Variants in GALNT13 observed in about 807,000 individuals in gnomAD.
GALNT13 encodes UDP-GalNAc:polypeptide N-acetylgalactosaminyltransferase 13.
In GALNT13, 28 loss-of-function variants were observed where a neutral mutation model predicts 64.2. The ratio of observed to expected loss-of-function variants is 0.44; its 90% CI spans 0.32 to 0.60. The LOEUF (loss-of-function observed/expected upper bound fraction) is 0.60. GALNT13 is among the 20% of genes least tolerant of loss of function. The pLI, the probability that GALNT13 is intolerant of heterozygous loss-of-function variation, is 0.05. For synonymous variants in GALNT13, 214 were observed against 224.6 expected, an observed-to-expected ratio of 0.95 and a Z score of 0.42; for missense variants, 577 against 669.8, an observed-to-expected ratio of 0.86 and a Z score of 1.53.
At chr2:153,882,751 C>T (rs1253892586) in intron 1 of GALNT13, among the ~76,000 whole-genome samples, 1 of 151,678 alleles carries the variant, frequency 6.6e-6, no homozygotes, top group Non-Finnish European at 1.5e-5. Context: ...GCCTTAGCCT[C>T]CCAAGGAAGC....
chr2:153,390,897 T>A, the GALNT13 span, among the ~76,000 whole-genome samples: 2 of 151,952 alleles, frequency 1.3e-5, no homozygotes, highest in African/African-American at 4.8e-5. Context: ...AATAAGAAAA[T>A]TTTATAACAT....
At chr2:154,193,591 A>G (rs1244942720) in intron 4 of GALNT13, among the ~76,000 whole-genome samples, 2 of 152,236 alleles carry the variant, frequency 1.3e-5, no homozygotes, top group Non-Finnish European at 2.9e-5. Flanking sequence ...TTGTCCTGAC[A>G]GAGGCTGATG....
intron 9 of GALNT13, among the ~76,000 whole-genome samples, chr2:154,305,317 A>T (rs1017548364): frequency 2.6e-5 from 4 of 151,568 alleles, no homozygotes; most frequent in African/African-American, 9.7e-5. Flanking sequence ...TTCAGGAAGG[A>T]GGGGTGGGAG....
At position 153,896,004 on chromosome 2, in the gene GALNT13, T is replaced by A. The variant is rs1371951867; in HGVS notation, c.-176-4932T>A. ...AAGAGAATATAATCATAAAATAGTT[T>A]GTATGATATAATTATTTAAATAATA... On this transcript the variant is annotated intron_variant, in intron 1 of 12. Coordinates refer to ENST00000392825, the MANE Select transcript of GALNT13 (RefSeq NM_052917.4). Among the ~76,000 whole-genome samples the A allele has an allele frequency of 4.3e-5, 6 of 138,662 alleles. No homozygotes were observed. In the Admixed American group the frequency reaches 4.4e-4, roughly 10 times the overall value. 91.0% of individuals were successfully genotyped at this position (138,662 alleles called of 152,430 possible).
chr2:153,747,322 C>T, the GALNT13 span, among the ~76,000 whole-genome samples: 27 of 151,624 alleles, frequency 1.8e-4, no homozygotes, highest in Non-Finnish European at 3.5e-4. Flanking sequence ...ATTTTTTGTA[C>T]CCATTAACTT....
chr2:153,295,770 A>T, the GALNT13 span, among the ~76,000 whole-genome samples: 1 of 152,212 alleles, frequency 6.6e-6, no homozygotes, highest in Non-Finnish European at 1.5e-5. Context: ...AATTCCAGAC[A>T]TACTGGATCA....
chr2:154,125,009 C>A (rs996463909), intron 3 of GALNT13, among the ~76,000 whole-genome samples: 1 of 152,192 alleles, frequency 6.6e-6, no homozygotes. Context: ...TAGAATGTCA[C>A]TTAGTAACTG....
the GALNT13 span, among the ~76,000 whole-genome samples, chr2:153,630,762 CATATATATATATAT>C: frequency 2.2e-3 from 72 of 32,130 alleles, 1 homozygote; most frequent in Non-Finnish European, 2.5e-3. Context: ...TTTTAGGCTT[CATATATATATATAT>C]ATATATATAT....
chr2:154,360,865 CA>C (rs1293701580), intron 9 of GALNT13, among the ~76,000 whole-genome samples: 2 of 151,986 alleles, frequency 1.3e-5, no homozygotes, highest in South Asian at 2.1e-4. Context: ...GAGATTAATC[CA>C]GCCAAAAAGG....
chr2:153,594,545 T>C, the GALNT13 span, among the ~76,000 whole-genome samples: 2 of 152,224 alleles, frequency 1.3e-5, no homozygotes, highest in South Asian at 4.1e-4. Flanking sequence ...TGTAATCTTA[T>C]CTCTTCTAAT....
At chr2:153,769,608 A>T in the GALNT13 span, among the ~76,000 whole-genome samples, 2 of 152,258 alleles carry the variant, frequency 1.3e-5, no homozygotes, top group South Asian at 2.1e-4. Flanking sequence ...AGCTTCTTGT[A>T]TCTGAATATT....
At chr2:154,126,652 A>AT (rs953697972) in intron 3 of GALNT13, among the ~76,000 whole-genome samples, 5 of 151,780 alleles carry the variant, frequency 3.3e-5, no homozygotes, top group African/African-American at 1.2e-4. Context: ...CAAAAAAAAA[A>AT]AACAAAAAAA....
At chr2:153,613,643 A>G in the GALNT13 span, among the ~76,000 whole-genome samples, 1 of 152,168 alleles carries the variant, frequency 6.6e-6, no homozygotes, top group Non-Finnish European at 1.5e-5. Flanking sequence ...GAATCCTGAT[A>G]TAAGAAAAGT....
the GALNT13 span, among the ~76,000 whole-genome samples, chr2:153,422,916 T>G: frequency 1.7e-4 from 26 of 151,956 alleles, no homozygotes; most frequent in Non-Finnish European, 3.5e-4. Context: ...TTTAAATATA[T>G]TTACAAGATA....
the GALNT13 span, among the ~76,000 whole-genome samples, chr2:153,424,164 T>C: frequency 1.3e-5 from 2 of 150,690 alleles, no homozygotes; most frequent in East Asian, 2.0e-4. Context: ...TCTGGGTCAA[T>C]TGGCTAAACA....
the GALNT13 span, among the ~76,000 whole-genome samples, chr2:153,824,588 G>A: frequency 6.6e-6 from 1 of 152,116 alleles, no homozygotes; most frequent in African/African-American, 2.4e-5. Context: ...TTGAGATGAT[G>A]TGGGAGGCAA....
intron 4 of GALNT13, among the ~76,000 whole-genome samples, chr2:154,168,219 C>T (rs1307067702): frequency 2.0e-5 from 3 of 152,104 alleles, no homozygotes; most frequent in Admixed American, 6.5e-5. Flanking sequence ...TCATAGAGGC[C>T]GACAACTGCA....
the GALNT13 span, among the ~76,000 whole-genome samples, chr2:153,827,335 G>A: frequency 6.6e-5 from 10 of 152,116 alleles, no homozygotes; most frequent in Admixed American, 2.6e-4. Flanking sequence ...GAAAAGTTAT[G>A]GGTGGAGGCT....
the GALNT13 span, among the ~76,000 whole-genome samples, chr2:153,238,640 G>A: frequency 1.9e-3 from 285 of 152,122 alleles, 1 homozygote; most frequent in African/African-American, 6.2e-3. Context: ...TGAGTTCACT[G>A]TAGGTGTGTA....
Sources: gnomAD v4.1 joint callset for allele counts (sites outside exome capture counted in the v4.1 genomes callset) on GRCh38, gnomAD v4.1.1 for gene constraint, MANE v1.5 for transcripts, NCBI Gene and HGNC (gene_info 2026-07-23, HGNC 2026-07-21) for gene names.